ABTB2: variants seen among roughly 807,000 people sequenced by gnomAD.
The protein encoded by ABTB2 is ankyrin repeat and BTB/POZ domain-containing protein 2.
In ABTB2, 56 loss-of-function variants were observed where a neutral mutation model predicts 104.1. The ratio of observed to expected loss-of-function variants is 0.54; its 90% CI spans 0.43 to 0.67. ABTB2 has a LOEUF of 0.67. Among genes scored for constraint, ABTB2 ranks in the 30% least tolerant of loss-of-function variants. The pLI, the probability that ABTB2 is intolerant of heterozygous loss-of-function variation, is 0.00. For missense variants in ABTB2, 1,279 were observed against 1,407.7 expected, an observed-to-expected ratio of 0.91 and a Z score of 1.46; for synonymous variants, 606 against 608.2, an observed-to-expected ratio of 1.00 and a Z score of 0.05.
chr11:34,352,826 C>T lies in ABTB2; in HGVS notation c.883+3875G>A, dbSNP rs978014899. Among the ~76,000 whole-genome samples the T allele has an allele frequency of 9.2e-5, 14 of 152,142 alleles. 1 individual carries two copies. The highest frequency in any genetic ancestry group is 2.0e-4 in the Admixed American group (3 of 15,282). The stretch of plus-strand genomic sequence containing the variant: ...ATCCCAGCACTCTGGGAGGCTGAAG[C>T]GGGAGAATCCCTTGAGCCCAGGAGT... On this transcript the variant is annotated intron_variant, in intron 1 of 16. Transcript: ENST00000435224.
intron 1 of ABTB2, among the ~76,000 whole-genome samples, chr11:34,334,570 C>T (rs1177709498): frequency 1.3e-5 from 2 of 152,134 alleles, no homozygotes; most frequent in Non-Finnish European, 2.9e-5. Context: ...AATGTGAACT[C>T]AACTCCCAAA....
chr11:34,251,481 C>T (rs937877913), intron 1 of ABTB2, among the ~76,000 whole-genome samples: 12 of 152,304 alleles, frequency 7.9e-5, no homozygotes, highest in South Asian at 2.1e-4. Flanking sequence ...TTAAAGGGAC[C>T]CTGTCCTCCT....
chr11:34,169,007 G>C (rs918370525), intron 5 of ABTB2, among the ~76,000 whole-genome samples: 3 of 152,222 alleles, frequency 2.0e-5, no homozygotes, highest in African/African-American at 7.2e-5. Context: ...TAAAGCAATG[G>C]CCTGAGATTA....
At chr11:34,321,842 G>C (rs1347086007) in intron 1 of ABTB2, among the ~76,000 whole-genome samples, 4 of 152,224 alleles carry the variant, frequency 2.6e-5, no homozygotes, top group Non-Finnish European at 5.9e-5. Flanking sequence ...CTCAGGCCTT[G>C]ATGGCTTGAA....
intron 16 of ABTB2, among the ~76,000 whole-genome samples, chr11:34,153,841 A>AAATC (rs1467723449): frequency 5.3e-5 from 8 of 152,216 alleles, no homozygotes; most frequent in African/African-American, 1.9e-4. Flanking sequence ...GGGTTTTTGC[A>AAATC]AATCAAATAT....
chr11:34,256,360 C>T (rs551652110), intron 1 of ABTB2, among the ~76,000 whole-genome samples: 9 of 152,244 alleles, frequency 5.9e-5, no homozygotes, highest in East Asian at 1.9e-4. Context: ...GGCTCCCTTT[C>T]GTCTTCTGAG....
chr11:34,320,363 G>T (rs1468878404), intron 1 of ABTB2, among the ~76,000 whole-genome samples: 1 of 152,198 alleles, frequency 6.6e-6, no homozygotes, highest in Non-Finnish European at 1.5e-5. Context: ...TGGGGGAATT[G>T]AAGTCAGAAG....
intron 1 of ABTB2, among the ~76,000 whole-genome samples, chr11:34,223,681 C>T (rs142373742): frequency 2.3e-4 from 35 of 152,318 alleles, no homozygotes; most frequent in Middle Eastern, 3.4e-3. Flanking sequence ...CAGTCTCCTG[C>T]GCCCCGGCAT....
intron 1 of ABTB2, chr11:34,335,098 T>C: frequency 9.3e-7 from 1 of 1,071,044 alleles, no homozygotes; most frequent in Admixed American, 1.7e-5. Context: ...ATACAGCAAA[T>C]GAATGGACAT....
chr11:34,272,045 T>G (rs1223418193), intron 1 of ABTB2, among the ~76,000 whole-genome samples: 8 of 152,190 alleles, frequency 5.3e-5, no homozygotes, highest in Non-Finnish European at 7.3e-5. Context: ...AGGTGGGTAC[T>G]ACCCAGTGGT....
Position 34,197,725 on chromosome 11 carries a change from C to T in ABTB2, c.1031-187G>A, listed in dbSNP as rs562588317. Among the ~76,000 whole-genome samples the T allele has an allele frequency of 5.1e-4, 78 of 152,324 alleles. No homozygotes were observed. In the South Asian group the frequency reaches 0.016, roughly 30 times the overall value. On this transcript the variant is annotated intron_variant, in intron 2 of 16. Transcript: ENST00000435224. The stretch of plus-strand genomic sequence containing the variant: ...TCACCTAGATGCACAATAGCAATTT[C>T]GTTTCCCTTTCATTTCACTCTTGCT...
intron 1 of ABTB2, among the ~76,000 whole-genome samples, chr11:34,343,639 C>A (rs891204197): frequency 8.1e-4 from 106 of 131,496 alleles, no homozygotes; most frequent in Middle Eastern, 3.8e-3. Flanking sequence ...CACACCGCCT[C>A]ATTTCTGTAT....
chr11:34,205,960 C>T (rs1393272391), intron 1 of ABTB2, among the ~76,000 whole-genome samples: 1 of 152,164 alleles, frequency 6.6e-6, no homozygotes, highest in Non-Finnish European at 1.5e-5. Flanking sequence ...AATGCTTGGA[C>T]CAATGCCTGG....
chr11:34,255,214 T>C (rs895554451), intron 1 of ABTB2, among the ~76,000 whole-genome samples: 1 of 152,176 alleles, frequency 6.6e-6, no homozygotes, highest in Non-Finnish European at 1.5e-5. Context: ...CTATTTCCAT[T>C]GTGTGATCTT....
At chr11:34,233,105 G>A (rs2133058223) in intron 1 of ABTB2, among the ~76,000 whole-genome samples, 1 of 152,200 alleles carries the variant, frequency 6.6e-6, no homozygotes, top group African/African-American at 2.4e-5. Flanking sequence ...TGTTTGCTAA[G>A]TGAATGTTAA....
intron 1 of ABTB2, among the ~76,000 whole-genome samples, chr11:34,312,733 C>T (rs1384205077): frequency 3.3e-5 from 5 of 152,216 alleles, no homozygotes; most frequent in Non-Finnish European, 1.5e-5. Context: ...CAGGGTCCCA[C>T]TCTGTCACCC....
chr11:34,209,285 A>G (rs948792656), intron 1 of ABTB2, among the ~76,000 whole-genome samples: 1 of 151,892 alleles, frequency 6.6e-6, no homozygotes, highest in African/African-American at 2.4e-5. Flanking sequence ...TGGAGGTTGC[A>G]GTGATGAGAA....
chr11:34,202,251 G>C (rs955128895), intron 2 of ABTB2, among the ~76,000 whole-genome samples: 2 of 152,208 alleles, frequency 1.3e-5, no homozygotes, highest in Admixed American at 1.3e-4. Context: ...GTGCCATTTG[G>C]GCAGAGGCTT....
intron 1 of ABTB2, among the ~76,000 whole-genome samples, chr11:34,229,205 G>A (rs1169075340): frequency 1.3e-5 from 2 of 151,458 alleles, no homozygotes; most frequent in Admixed American, 6.6e-5. Context: ...TATTCTGGCC[G>A]GGTGCGGTGG....
Sources: gnomAD v4.1 joint callset for allele counts (sites outside exome capture counted in the v4.1 genomes callset) on GRCh38, gnomAD v4.1.1 for gene constraint, MANE v1.5 for transcripts, NCBI Gene and HGNC (gene_info 2026-07-23, HGNC 2026-07-21) for gene names.